The following EIF4G2 variants were observed in gnomAD, a reference collection of about 807,000 sequenced individuals.
EIF4G2 encodes eukaryotic translation initiation factor 4 gamma 2, also known as DAP-5.
Under a neutral mutation model 117.7 loss-of-function variants are expected in EIF4G2, and 8 were observed. The observed-to-expected ratio is 0.07, with a 90% CI of 0.04 to 0.12. The LOEUF is 0.12. Among genes scored for constraint, EIF4G2 ranks in the 10% least tolerant of loss-of-function variants. The probability of loss-of-function intolerance (pLI) is 1.00; values close to 1 mark genes in which losing one functional copy is unlikely to be tolerated. For synonymous variants in EIF4G2, 413 were observed against 367.8 expected, an observed-to-expected ratio of 1.12 and a Z score of -1.41; for missense variants, 812 against 1,086.2, an observed-to-expected ratio of 0.75 and a Z score of 3.55.
In EIF4G2 at chr11:10,801,040, C is replaced by T; in HGVS notation, c.1461G>A (p.Val487=). Reference sequence around the variant, plus strand: ...TAGTTATCTGGGGCTGAAGCTTTGGCACTTGATTTTTATTCATTAGGAACG... The same window carrying T: ...TAGTTATCTGGGGCTGAAGCTTTGGTACTTGATTTTTATTCATTAGGAACG... The change falls in exon 15 of 22, where the codon GTG becomes GTA. Residue 487 remains valine, a synonymous_variant. Transcript: ENST00000339995. 3 of 1,614,126 alleles carry T rather than the reference C, an allele frequency of 1.9e-6. No individual in the cohort carries two copies. Among genetic ancestry groups the T allele is most frequent in the Non-Finnish European group, 1.7e-6 (2 of 1,179,996 alleles).
At chr11:10,807,711 C>A (rs1378936738) in intron 1 of EIF4G2, 1 of 993,966 alleles carries the variant, frequency 1.0e-6, no homozygotes, top group Non-Finnish European at 1.2e-6. Context: ...AGCAACATCA[C>A]GTGGAAAATG....
chr11:10,805,988 G>C lies in EIF4G2; in HGVS notation c.167C>G (p.Thr56Ser), dbSNP rs1364115405. Residue 56 changes from threonine to serine, a missense_variant, in exon 4 of 22, where the codon ACT becomes AGT. Physicochemically the swap from Thr to Ser is moderately conservative, Grantham distance 58 (BLOSUM62 1). Coordinates refer to ENST00000339995, the MANE Select transcript of EIF4G2 (RefSeq NM_001418.4). The stretch of plus-strand genomic sequence containing the variant: ...TGCTGCGGAGTTGTCATCTCGTCTA[G>C]TGCTTCGTGCAGGAATCCATTTCTG... 1.2e-6 allele frequency: 2 copies of C among 1,614,220 alleles called. No individual in the cohort carries two copies. The highest frequency in any genetic ancestry group is 8.5e-7 in the Non-Finnish European group (1 of 1,180,040).
chr11:10,802,232 C>T (rs1285318622), intron 12 of EIF4G2, 23 bp from the exon 13 acceptor site: 1 of 1,611,886 alleles, frequency 6.2e-7, no homozygotes, highest in Non-Finnish European at 8.5e-7. Flanking sequence ...ATACGGACAA[C>T]TCTCAAAACT....
At chr11:10,798,887 A>AGTT in intron 21 of EIF4G2, 105 bp downstream of exon 21, 1 of 1,352,826 alleles carries the variant, frequency 7.4e-7, no homozygotes, top group African/African-American at 1.5e-5. Flanking sequence ...ACAAACTACT[A>AGTT]ACTAGGACTA....
chr11:10,800,979 T>G lies in EIF4G2; in HGVS notation c.1522A>C (p.Thr508Pro), dbSNP rs750398533. The change falls in exon 15 of 22, where the codon ACA becomes CCA. Residue 508 changes from threonine (T) to proline (P), a missense_variant. This residue lies in a region of EIF4G2 where 571 missense variants were observed against 642.3 expected (regional missense o/e 0.89). Transcript: ENST00000339995. ...GTCTGTACCTGTCCCAGAGGTGGTG[T>G]TTGAGTGCGTGGTGGTTGTGCACTA... 15 of 1,614,174 alleles carry G rather than the reference T, an allele frequency of 9.3e-6. No individual in the cohort carries two copies. Among genetic ancestry groups the G allele is most frequent in the South Asian group, 4.4e-5 (4 of 91,078 alleles).
chr11:10,805,764 T>C, intron 4 of EIF4G2, 143 bp downstream of exon 4: 1 of 1,281,022 alleles, frequency 7.8e-7, no homozygotes, highest in South Asian at 1.3e-5. Context: ...GTTCAAGATA[T>C]TTTTAAAAAT....
At chr11:10,805,635 T>C (rs1052494352) in intron 4 of EIF4G2, among the ~76,000 whole-genome samples, 26 of 152,124 alleles carry the variant, frequency 1.7e-4, no homozygotes, top group African/African-American at 6.0e-4. Flanking sequence ...GTATTTTTAG[T>C]AGAGATGGGG....
At chr11:10,806,090 A>T (rs757319274) in intron 3 of EIF4G2, 43 bp from the exon 4 acceptor site, 8 of 1,611,532 alleles carry the variant, frequency 5.0e-6, no homozygotes, top group Non-Finnish European at 6.8e-6. Flanking sequence ...GTCACACACC[A>T]AATGTTAAAC....
intron 3 of EIF4G2, 118 bp from the exon 4 acceptor site, chr11:10,806,165 C>T: frequency 7.2e-7 from 1 of 1,386,960 alleles, no homozygotes. Flanking sequence ...CCAAGAAAGC[C>T]AACTCTGGAA....
intron 14 of EIF4G2, 77 bp downstream of exon 14, chr11:10,801,584 G>A (rs547368690): frequency 7.6e-5 from 96 of 1,271,076 alleles, no homozygotes; most frequent in African/African-American, 2.5e-4. Context: ...TCTTAATAAC[G>A]CGTCTTTTTA....
chr11:10,800,798 A>G lies in EIF4G2; in HGVS notation c.1577T>C (p.Ile526Thr), dbSNP rs970913047. 11 of 1,614,166 alleles carry G rather than the reference A, an allele frequency of 6.8e-6. No homozygotes were observed. Among genetic ancestry groups the G allele is most frequent in the African/African-American group, 1.3e-5 (1 of 75,054 alleles). ...GCTGGTCTTGGCAGGCTTTTCCTGG[A>G]TAAGCGGTGGATTAGTTTTGAGACC... The change falls in exon 16 of 22, where the codon ATC (isoleucine) becomes ACC (threonine). Residue 526 changes from isoleucine (I) to threonine (T), a missense_variant. By Grantham distance (89) the Ile-to-Thr change is moderately conservative. Transcript: ENST00000339995.
Position 10,800,068 on chromosome 11 carries a change from A to C in EIF4G2, c.2119+22T>G, listed in dbSNP as rs73417799. On this transcript the variant is annotated intron_variant, in intron 18 of 21. Coordinates refer to ENST00000339995, the MANE Select transcript of EIF4G2 (RefSeq NM_001418.4). ...AGATATAATATTAAAAAAACAAAAC[A>C]AACAAGTCAGCATTCTCTTACCTGG... is the stretch of plus-strand genomic sequence containing the variant. 141 of 1,604,376 alleles carry C rather than the reference A, an allele frequency of 8.8e-5. 1 individual carries two copies. The African/African-American group carries it at 1.3e-3, about 15-fold the overall frequency.
chr11:10,808,466 G>T, intron 1 of EIF4G2: 1 of 1,258,206 alleles, frequency 7.9e-7, no homozygotes, highest in Non-Finnish European at 1.0e-6. Context: ...CGGCCATCCG[G>T]CCATGACCGC....
chr11:10,798,792 T>C, intron 21 of EIF4G2, 200 bp downstream of exon 21: 1 of 600,368 alleles, frequency 1.7e-6, no homozygotes, highest in Non-Finnish European at 2.7e-6. Context: ...ACCTCTAACA[T>C]CTTATACACC....
intron 19 of EIF4G2, 62 bp downstream of exon 19, chr11:10,799,490 T>A (rs1160301158): frequency 1.2e-6 from 2 of 1,609,206 alleles, no homozygotes; most frequent in African/African-American, 2.7e-5. Flanking sequence ...CAACTCTTAG[T>A]CTCCTACGCT....
At chr11:10,801,134 C>A in intron 14 of EIF4G2, 47 bp from the exon 15 acceptor site, 2 of 1,607,926 alleles carry the variant, frequency 1.2e-6, no homozygotes, top group East Asian at 4.5e-5. Flanking sequence ...ATGCAGTTGG[C>A]GAACATATTA....
At chr11:10,806,628 A>G in intron 3 of EIF4G2, 192 bp downstream of exon 3, 2 of 562,876 alleles carry the variant, frequency 3.6e-6, no homozygotes. Context: ...ACAGCTTGAG[A>G]GTCTCAACTC....
Position 10,797,715 on chromosome 11 carries a change from G to A in EIF4G2, c.*101C>T. On this transcript the variant is annotated 3_prime_UTR_variant, in exon 22 of 22. Transcript: ENST00000339995. The surrounding 1 kb of genome is among the most constrained non-coding windows in gnomAD (Gnocchi z 4.5). ...GACGTGCTTCTGCTTTAAATATTGTGAAAACATTACAGCGGAATGAATTTT... is the reference window on the plus strand; with the variant it reads ...GACGTGCTTCTGCTTTAAATATTGTAAAAACATTACAGCGGAATGAATTTT... The A allele has an allele frequency of 2.4e-6, 3 of 1,262,424 alleles. No individual in the cohort carries two copies. The highest frequency in any genetic ancestry group is 4.7e-5 in the East Asian group (2 of 42,978). The allele number at this position is 1,262,424 out of a possible 1,614,324, so 78.2% of individuals were successfully genotyped here.
At chr11:10,807,094 T>C in intron 2 of EIF4G2, 161 bp downstream of exon 2, 1 of 1,230,304 alleles carries the variant, frequency 8.1e-7, no homozygotes, top group Non-Finnish European at 1.1e-6. Flanking sequence ...TAATTGATTT[T>C]ATTTATTCTT....
Sources: gnomAD v4.1 joint callset for allele counts (sites outside exome capture counted in the v4.1 genomes callset) on GRCh38, gnomAD v4.1.1 for gene constraint, gnomAD v4.1.1 regional missense constraint, Gnocchi (gnomAD v3.1) non-coding constraint, MANE v1.5 for transcripts, NCBI Gene and HGNC (gene_info 2026-07-23, HGNC 2026-07-21) for gene names.